The following HMBOX1 variants were observed in gnomAD, a reference collection of about 807,000 sequenced individuals.
HMBOX1 encodes the protein homeobox containing 1.
HMBOX1 carries 14 observed loss-of-function variants against 54.5 expected under a neutral mutation model. The ratio of observed to expected loss-of-function variants is 0.26; its 90% CI spans 0.17 to 0.40. The LOEUF (loss-of-function observed/expected upper bound fraction) is 0.40, where lower values mean the gene tolerates loss of function less well. Ranked by LOEUF, HMBOX1 falls within the 10% of genes least tolerant of loss-of-function variation. The pLI, the probability that HMBOX1 is intolerant of heterozygous loss-of-function variation, is 1.00. For synonymous variants in HMBOX1, 160 were observed against 181.0 expected, an observed-to-expected ratio of 0.88 and a Z score of 0.93; for missense variants, 332 against 514.4, an observed-to-expected ratio of 0.65 and a Z score of 3.43.
At chr8:28,968,882 A>G (rs926407806) in intron 2 of HMBOX1, among the ~76,000 whole-genome samples, 1 of 152,216 alleles carries the variant, frequency 6.6e-6, no homozygotes, top group Non-Finnish European at 1.5e-5. Context: ...CTTATAAGAA[A>G]GGAATTCAAG....
At chr8:29,020,472 G>A (rs1485788783) in intron 6 of HMBOX1, among the ~76,000 whole-genome samples, 1 of 152,142 alleles carries the variant, frequency 6.6e-6, no homozygotes, top group Admixed American at 6.5e-5. Context: ...ATTAGTCACA[G>A]AATCACACGG....
intron 6 of HMBOX1, among the ~76,000 whole-genome samples, chr8:29,039,771 A>T (rs1159949286): frequency 1.3e-5 from 2 of 152,154 alleles, no homozygotes; most frequent in Non-Finnish European, 2.9e-5. Context: ...TTTAGTTTAC[A>T]TTAAATTCAG....
At chr8:28,955,550 G>A (rs1240599856) in intron 1 of HMBOX1, among the ~76,000 whole-genome samples, 1 of 152,132 alleles carries the variant, frequency 6.6e-6, no homozygotes, top group Non-Finnish European at 1.5e-5. Context: ...TTCTACCAAA[G>A]TACTTGATAA....
At chr8:28,933,836 C>T (rs1024825705) in intron 1 of HMBOX1, among the ~76,000 whole-genome samples, 1 of 152,094 alleles carries the variant, frequency 6.6e-6, no homozygotes, top group African/African-American at 2.4e-5. Context: ...AAAAACCTTT[C>T]GTGCAAAGAA....
At chr8:28,905,884 A>G (rs1585686736) in intron 1 of HMBOX1, among the ~76,000 whole-genome samples, 1 of 152,164 alleles carries the variant, frequency 6.6e-6, no homozygotes, top group Non-Finnish European at 1.5e-5. Context: ...CAGCATCTCA[A>G]TTTTCACTAA....
intron 5 of HMBOX1, chr8:29,009,768 A>C (rs1194294720): frequency 7.8e-7 from 1 of 1,278,858 alleles, no homozygotes; most frequent in East Asian, 5.6e-5. Context: ...ATGACAAAAA[A>C]ATTTATGTCT....
At chr8:28,954,254 A>T (rs1386962545) in intron 1 of HMBOX1, among the ~76,000 whole-genome samples, 1 of 152,016 alleles carries the variant, frequency 6.6e-6, no homozygotes, top group Non-Finnish European at 1.5e-5. Flanking sequence ...AGATGGGTAA[A>T]ATTGGGTTCT....
chr8:28,908,721 G>T (rs1814818824), intron 1 of HMBOX1, among the ~76,000 whole-genome samples: 1 of 152,094 alleles, frequency 6.6e-6, no homozygotes, highest in African/African-American at 2.4e-5. Context: ...AGCCGAGATT[G>T]TGCCATTGGA....
At chr8:28,901,052 C>T (rs1386792981) in intron 1 of HMBOX1, among the ~76,000 whole-genome samples, 2 of 152,086 alleles carry the variant, frequency 1.3e-5, no homozygotes, top group Non-Finnish European at 2.9e-5. Flanking sequence ...ATAAATAATA[C>T]TATTTATTCA....
At chr8:28,974,389 T>C (rs1383510044) in intron 3 of HMBOX1, among the ~76,000 whole-genome samples, 2 of 152,186 alleles carry the variant, frequency 1.3e-5, no homozygotes, top group African/African-American at 4.8e-5. Context: ...TGTATACATA[T>C]CTGCTAATAT....
At chr8:28,966,134 T>C (rs748453716) in intron 2 of HMBOX1, among the ~76,000 whole-genome samples, 5 of 152,228 alleles carry the variant, frequency 3.3e-5, no homozygotes, top group Non-Finnish European at 5.9e-5. Flanking sequence ...TAATCTTCTT[T>C]GCTCTACATG....
At chr8:28,927,831 CAAAAAAAAAAAAA>C (rs34952149) in intron 1 of HMBOX1, among the ~76,000 whole-genome samples, 2 of 52,750 alleles carry the variant, frequency 3.8e-5, no homozygotes, top group South Asian at 9.7e-4. Flanking sequence ...AACTCAGTCT[CAAAAAAAAAAAAA>C]AAAAAAAAAA....
At chr8:28,974,474 A>G (rs1828042926) in intron 3 of HMBOX1, among the ~76,000 whole-genome samples, 1 of 152,174 alleles carries the variant, frequency 6.6e-6, no homozygotes, top group Non-Finnish European at 1.5e-5. Context: ...GAATTTATTA[A>G]TAATGCCATA....
chr8:28,909,550 G>A (rs1210262460), intron 1 of HMBOX1, among the ~76,000 whole-genome samples: 1 of 152,182 alleles, frequency 6.6e-6, no homozygotes, highest in African/African-American at 2.4e-5. Context: ...GAGAAGAACT[G>A]TCCTAGAATA....
Position 29,010,563 on chromosome 8 carries a change from A to AT in HMBOX1, c.697+1381_697+1382insT, listed in dbSNP as rs558130717. Among the ~76,000 whole-genome samples the AT allele has an allele frequency of 4.8e-4, 73 of 151,710 alleles. 1 individual carries two copies. The highest frequency in any genetic ancestry group is 2.1e-3 in the South Asian group (10 of 4,818). On this transcript the variant is annotated intron_variant, in intron 5 of 9. Transcript: ENST00000287701. ...AAAGGGAGACCTGTCTCAAAAAAAA[A>AT]ATATATATATTATTATTATTAACAT...
chr8:28,968,855 G>C (rs1327559977), intron 2 of HMBOX1, among the ~76,000 whole-genome samples: 1 of 152,056 alleles, frequency 6.6e-6, no homozygotes, highest in East Asian at 1.9e-4. Flanking sequence ...AAAAAATCTT[G>C]AATGGAAAAC....
intron 4 of HMBOX1, among the ~76,000 whole-genome samples, chr8:28,991,227 CT>C (rs1275022019): frequency 6.6e-6 from 1 of 152,164 alleles, no homozygotes; most frequent in Non-Finnish European, 1.5e-5. Flanking sequence ...TTATTAGGTC[CT>C]TAATACTTTA....
chr8:28,952,967 A>G (rs773922627), intron 1 of HMBOX1, among the ~76,000 whole-genome samples: 1 of 152,242 alleles, frequency 6.6e-6, no homozygotes, highest in Non-Finnish European at 1.5e-5. Flanking sequence ...GAAGCCTACT[A>G]TAGCAGAACT....
rs71222583 is a variant in HMBOX1, at chr8:28,973,803, G to GTTTTTTTTTTTTTTT, written c.500+3301_500+3315dup. ...TAATAATTTCGAGATACATAATGGA[G>GTTTTTTTTTTTTTTT]TTTTTTTTTTTTTTTTTTTTTTTTT... is the stretch of plus-strand genomic sequence containing the variant. On this transcript the variant is annotated intron_variant, in intron 3 of 9. Transcript: ENST00000287701. Among the ~76,000 whole-genome samples the GTTTTTTTTTTTTTTT allele has an allele frequency of 2.0e-3, 147 of 72,640 alleles. 10 individuals carry two copies. The highest frequency in any genetic ancestry group is 8.5e-3 in the Middle Eastern group (1 of 118). 47.7% of individuals were successfully genotyped at this position (72,640 alleles called of 152,430 possible).
Sources: gnomAD v4.1 joint callset for allele counts (sites outside exome capture counted in the v4.1 genomes callset) on GRCh38, gnomAD v4.1.1 for gene constraint, MANE v1.5 for transcripts, NCBI Gene and HGNC (gene_info 2026-07-23, HGNC 2026-07-21) for gene names.